The following FAM184B variants were observed in gnomAD, a reference collection of about 807,000 sequenced individuals.
The protein encoded by FAM184B is family with sequence similarity 184 member B.
Under a neutral mutation model 135.9 loss-of-function variants are expected in FAM184B, and 111 were observed. The ratio of observed to expected loss-of-function variants is 0.82; its 90% CI spans 0.70 to 0.96. The LOEUF is 0.96. Among genes scored for constraint, FAM184B ranks in the 40% least tolerant of loss-of-function variants. The pLI is 0.00. For missense variants in FAM184B, 1,375 were observed against 1,323.9 expected (o/e 1.04, Z -0.60); for synonymous variants, 552 against 524.8 (o/e 1.05, Z -0.71).
At chr4:17,699,674 G>A (rs13101742) in intron 5 of FAM184B, among the ~76,000 whole-genome samples, 44,125 of 151,872 alleles carry the variant, frequency 0.29, 7,401 homozygotes, top group South Asian at 0.38. Context: ...GTTGACACAC[G>A]CTACAAGAAA....
chr4:17,634,883 G>GT (rs1715073852), intron 16 of FAM184B, 126 bp downstream of exon 16: 10 of 572,914 alleles, frequency 1.7e-5, no homozygotes, highest in South Asian at 1.2e-4. Flanking sequence ...TAAACAAGTG[G>GT]GTTTTTTTTT....
chr4:17,738,143 G>A (rs568805024), intron 1 of FAM184B, among the ~76,000 whole-genome samples: 1 of 152,192 alleles, frequency 6.6e-6, no homozygotes, highest in East Asian at 1.9e-4. Context: ...GCATAGGATG[G>A]GCATGTGACT....
chr4:17,654,097 C>T (rs546553140), intron 10 of FAM184B, among the ~76,000 whole-genome samples: 66 of 152,120 alleles, frequency 4.3e-4, no homozygotes, highest in African/African-American at 1.6e-3. Context: ...GGATTTCTGA[C>T]CTCTAGAATT....
intron 1 of FAM184B, among the ~76,000 whole-genome samples, chr4:17,716,283 C>T (rs1399711255): frequency 6.6e-6 from 1 of 152,140 alleles, no homozygotes; most frequent in African/African-American, 2.4e-5. Flanking sequence ...ACCCTCTCCA[C>T]TCCCTTCCCC....
At chr4:17,663,486 T>C (rs2315555) in intron 8 of FAM184B, among the ~76,000 whole-genome samples, 1 of 151,928 alleles carries the variant, frequency 6.6e-6, no homozygotes, top group South Asian at 2.1e-4. Context: ...ATGCCCAAAA[T>C]CTCCTTATGC....
chr4:17,759,383 A>G (rs1427206714), intron 1 of FAM184B, among the ~76,000 whole-genome samples: 1 of 152,218 alleles, frequency 6.6e-6, no homozygotes, highest in Non-Finnish European at 1.5e-5. Flanking sequence ...GCCACGATTG[A>G]AAGTTTCCTG....
At chr4:17,777,596 A>G (rs1170256088) in intron 1 of FAM184B, among the ~76,000 whole-genome samples, 1 of 152,224 alleles carries the variant, frequency 6.6e-6, no homozygotes, top group African/African-American at 2.4e-5. Context: ...TAGATGGGAA[A>G]AACTCTGGAT....
chr4:17,662,567 T>A (rs1715943237), intron 8 of FAM184B, among the ~76,000 whole-genome samples: 1 of 152,156 alleles, frequency 6.6e-6, no homozygotes, highest in South Asian at 2.1e-4. Context: ...TGAACTCCTG[T>A]CCTCAGGTGA....
In FAM184B at chr4:17,688,586, T is replaced by A; in HGVS notation, c.1489-55A>T. The A allele has an allele frequency of 6.1e-6, 8 of 1,306,018 alleles. 1 individual carries two copies. The South Asian group carries it at 1.1e-4, about 18-fold the overall frequency. The allele number at this position is 1,306,018 out of a possible 1,614,324, so 80.9% of individuals were successfully genotyped here. ...ATGAAACCAGGTTCTACCTCCTCGA[T>A]ACAGTCATTCATCCGGGAATCAATT... On this transcript the variant is annotated intron_variant, in intron 6 of 17. Coordinates refer to ENST00000265018, the MANE Select transcript of FAM184B (RefSeq NM_015688.2).
chr4:17,651,512 T>C (rs1396626049), intron 11 of FAM184B, among the ~76,000 whole-genome samples: 8 of 109,582 alleles, frequency 7.3e-5, no homozygotes, highest in Admixed American at 3.0e-4. Context: ...CACTCCAGCC[T>C]GGGCGACAGA....
intron 13 of FAM184B, among the ~76,000 whole-genome samples, chr4:17,640,165 A>G (rs1407295328): frequency 6.6e-6 from 1 of 151,624 alleles, no homozygotes; most frequent in Non-Finnish European, 1.5e-5. Flanking sequence ...CCTTTATCAA[A>G]AGAAGTGGTT....
At chr4:17,763,481 G>C (rs939720816) in intron 1 of FAM184B, among the ~76,000 whole-genome samples, 1 of 152,112 alleles carries the variant, frequency 6.6e-6, no homozygotes, top group African/African-American at 2.4e-5. Flanking sequence ...GCTGTTACCA[G>C]ATAATTTGAT....
At chr4:17,724,518 G>T (rs576966225) in intron 1 of FAM184B, among the ~76,000 whole-genome samples, 68 of 152,310 alleles carry the variant, frequency 4.5e-4, no homozygotes, top group South Asian at 8.3e-4. Context: ...AAATTGGTCT[G>T]TTTTAGTCTG....
intron 7 of FAM184B, among the ~76,000 whole-genome samples, chr4:17,668,911 T>A (rs761262454): frequency 2.0e-5 from 3 of 152,206 alleles, no homozygotes; most frequent in Non-Finnish European, 4.4e-5. Flanking sequence ...AACACAAGAA[T>A]AAACAAAACA....
chr4:17,781,270 GT>G lies in FAM184B; in HGVS notation c.29del (p.Asn10ThrfsTer27). 1 of 1,550,172 alleles carries G rather than the reference GT, an allele frequency of 6.5e-7. No homozygotes were observed. Among genetic ancestry groups the G allele is most frequent in the Non-Finnish European group, 8.7e-7 (1 of 1,146,178 alleles). On this transcript the variant is annotated frameshift_variant, in exon 1 of 18. Coordinates refer to ENST00000265018, the MANE Select transcript of FAM184B (RefSeq NM_015688.2). LOFTEE classifies it high-confidence loss of function. This position sits in a 1 kb window ranked among gnomAD's most constrained non-coding sequence, Gnocchi z 6.5. MASALNSKINPPGTCQGSKA... is the reference protein window; with the variant it reads MASALNSKIXPPGTCQGSKA... Reference sequence around the variant, plus strand: ...TGGAGCCCTGGCAAGTGCCGGGCGGGTTAATTTTGCTGTTGAGAGCAGAAGC... The same window carrying G: ...TGGAGCCCTGGCAAGTGCCGGGCGGGTAATTTTGCTGTTGAGAGCAGAAGC...
chr4:17,746,630 G>A (rs542722267), intron 1 of FAM184B, among the ~76,000 whole-genome samples: 2 of 152,072 alleles, frequency 1.3e-5, no homozygotes, highest in African/African-American at 2.4e-5. Context: ...TACTCAGGAG[G>A]CTGAGGCAGG....
intron 10 of FAM184B, among the ~76,000 whole-genome samples, chr4:17,656,548 C>G (rs954525540): frequency 6.6e-6 from 1 of 152,090 alleles, no homozygotes; most frequent in African/African-American, 2.4e-5. Context: ...ACTACAGGCA[C>G]GCACCATGAC....
chr4:17,710,623 G>C, intron 1 of FAM184B, among the ~76,000 whole-genome samples: 1 of 152,212 alleles, frequency 6.6e-6, no homozygotes, highest in Non-Finnish European at 1.5e-5. Flanking sequence ...TGCTTCCCTC[G>C]TAGGATCAGG....
In FAM184B at chr4:17,639,248, A is replaced by ACTCGG. The variant is rs1560164396; in HGVS notation, c.2663_2666+1dup. 6.4e-7 allele frequency: 1 copy of ACTCGG among 1,551,528 alleles called. No homozygotes were observed. The highest frequency in any genetic ancestry group is 1.2e-5 in the South Asian group (1 of 84,058). The stretch of plus-strand genomic sequence containing the variant: ...CTCCCTGGGGCCCGAGGCCTCACTT[A>ACTCGG]CTCGGCTTCCAGGGCAGCCAGCCGG... On this transcript the variant is annotated splice_donor_variant, in intron 14 of 17. Transcript: ENST00000265018. LOFTEE classifies it high-confidence loss of function.
Sources: allele counts gnomAD v4.1 joint callset (sites outside exome capture counted in the v4.1 genomes callset), GRCh38; gene constraint gnomAD v4.1.1; non-coding constraint Gnocchi (gnomAD v3.1); transcripts MANE v1.5; gene names NCBI Gene and HGNC (gene_info 2026-07-23, HGNC 2026-07-21).